The following GPC6 variants were observed in gnomAD, a reference collection of about 807,000 sequenced individuals.
GPC6 encodes the protein glypican 6.
A neutral mutation model predicts 55.2 loss-of-function variants in GPC6; 14 were observed. The ratio of observed to expected loss-of-function variants is 0.25; its 90% CI spans 0.17 to 0.40. The LOEUF (loss-of-function observed/expected upper bound fraction) is 0.40. GPC6 is among the 10% of genes least tolerant of loss of function. The probability of loss-of-function intolerance (pLI) is 1.00; values close to 1 mark genes in which losing one functional copy is unlikely to be tolerated. For missense variants in GPC6, 641 were observed against 708.5 expected (o/e 0.90, Z 1.08); for synonymous variants, 278 against 259.6 (o/e 1.07, Z -0.68).
At chr13:93,516,509 T>C (rs936565367) in intron 1 of GPC6, among the ~76,000 whole-genome samples, 4 of 152,116 alleles carry the variant, frequency 2.6e-5, no homozygotes, top group African/African-American at 4.8e-5. Context: ...TGAATACATT[T>C]TTCAAGAGAC....
intron 2 of GPC6, among the ~76,000 whole-genome samples, chr13:93,573,723 A>G (rs532350564): frequency 2.0e-4 from 30 of 152,270 alleles, no homozygotes; most frequent in African/African-American, 7.0e-4. Context: ...TCCTGCTGCC[A>G]AAGGTGGCTG....
At chr13:93,353,393 C>G (rs1444972094) in intron 1 of GPC6, among the ~76,000 whole-genome samples, 5 of 152,100 alleles carry the variant, frequency 3.3e-5, no homozygotes, top group African/African-American at 1.2e-4. Context: ...ACAATGAGTG[C>G]CAAGTGATGT....
chr13:93,930,026 G>C (rs925963892), intron 3 of GPC6, among the ~76,000 whole-genome samples: 2 of 151,730 alleles, frequency 1.3e-5, no homozygotes, highest in African/African-American at 2.4e-5. Context: ...TTTTGTTGAT[G>C]TTTTCAAACT....
chr13:93,580,359 A>G (rs529759498), intron 2 of GPC6, among the ~76,000 whole-genome samples: 3 of 152,328 alleles, frequency 2.0e-5, no homozygotes, highest in East Asian at 1.9e-4. Flanking sequence ...GGGGGAAACA[A>G]ACATTTAGTT....
intron 2 of GPC6, among the ~76,000 whole-genome samples, chr13:93,681,673 C>A (rs1320445470): frequency 6.6e-6 from 1 of 152,044 alleles, no homozygotes; most frequent in Non-Finnish European, 1.5e-5. Context: ...TTCAATATTT[C>A]TTCAGTTTTA....
intron 6 of GPC6, among the ~76,000 whole-genome samples, chr13:94,345,357 G>T (rs538350097): frequency 1.4e-3 from 212 of 152,170 alleles, no homozygotes; most frequent in African/African-American, 3.4e-3. Context: ...CTGATTTTGG[G>T]GGGGAAAAGA....
intron 1 of GPC6, among the ~76,000 whole-genome samples, chr13:93,312,387 A>G (rs1879102733): frequency 1.3e-5 from 2 of 152,122 alleles, no homozygotes; most frequent in Admixed American, 1.3e-4. Context: ...GCATATGTAC[A>G]CCTATTGCTT....
chr13:93,855,497 T>G (rs528195946), intron 3 of GPC6, among the ~76,000 whole-genome samples: 2 of 151,826 alleles, frequency 1.3e-5, no homozygotes, highest in Admixed American at 1.3e-4. Context: ...AATATCTGCA[T>G]GGAGGTTTTT....
chr13:94,316,970 A>G (rs1012252338), intron 6 of GPC6, among the ~76,000 whole-genome samples: 2 of 152,214 alleles, frequency 1.3e-5, no homozygotes, highest in African/African-American at 4.8e-5. Context: ...AAAATCACCA[A>G]GAATTCACAT....
intron 4 of GPC6, among the ~76,000 whole-genome samples, chr13:94,212,985 G>A (rs1372884380): frequency 6.6e-6 from 1 of 152,096 alleles, no homozygotes; most frequent in South Asian, 2.1e-4. Flanking sequence ...GTGAAACCCC[G>A]TCTCTACTAA....
chr13:93,238,132 T>C (rs1272313469), intron 1 of GPC6, among the ~76,000 whole-genome samples: 1 of 152,188 alleles, frequency 6.6e-6, no homozygotes, highest in Non-Finnish European at 1.5e-5. Flanking sequence ...AGAAATTGCA[T>C]TGAATCTGTA....
chr13:93,470,337 TTAAC>T (rs1367410042), intron 1 of GPC6, among the ~76,000 whole-genome samples: 1 of 152,192 alleles, frequency 6.6e-6, no homozygotes, highest in African/African-American at 2.4e-5. Context: ...TTAATGAACA[TTAAC>T]TTCTTCATAT....
In GPC6 at chr13:94,320,487, G is replaced by A. The variant is rs555291151; in HGVS notation, c.1152+14364G>A. Among the ~76,000 whole-genome samples, 4 of 152,122 alleles carry A rather than the reference G, an allele frequency of 2.6e-5. No homozygotes were observed. In the East Asian group the frequency reaches 7.7e-4, roughly 29 times the overall value. ...TTATATTCCTTGGAAATTAATCAAT[G>A]GAAAGTCTGGGTGGCCTGTGTTGAA... On this transcript the variant is annotated intron_variant, in intron 6 of 8. Coordinates refer to ENST00000377047, the MANE Select transcript of GPC6 (RefSeq NM_005708.5).
chr13:93,425,358 T>C (rs1869953970), intron 1 of GPC6, among the ~76,000 whole-genome samples: 1 of 152,170 alleles, frequency 6.6e-6, no homozygotes, highest in African/African-American at 2.4e-5. Flanking sequence ...AAATACTTCC[T>C]ATCAATTCTA....
At chr13:94,366,628 T>G (rs999635062) in intron 6 of GPC6, among the ~76,000 whole-genome samples, 4 of 152,246 alleles carry the variant, frequency 2.6e-5, no homozygotes, top group Non-Finnish European at 4.4e-5. Flanking sequence ...ACCGCATATC[T>G]AATGACCTAA....
chr13:93,580,948 T>G (rs1005065512), intron 2 of GPC6, among the ~76,000 whole-genome samples: 2 of 152,084 alleles, frequency 1.3e-5, no homozygotes, highest in African/African-American at 4.8e-5. Context: ...ATAAAAGTGT[T>G]TTTTTTAATT....
At chr13:94,218,197 C>G (rs1881537901) in intron 4 of GPC6, among the ~76,000 whole-genome samples, 1 of 152,128 alleles carries the variant, frequency 6.6e-6, no homozygotes, top group African/African-American at 2.4e-5. Flanking sequence ...ACCCTTCTGA[C>G]TATGAGAGCC....
intron 4 of GPC6, among the ~76,000 whole-genome samples, chr13:94,220,862 A>T (rs1890362225): frequency 6.6e-6 from 1 of 152,054 alleles, no homozygotes; most frequent in South Asian, 2.1e-4. Flanking sequence ...CTACCTAATT[A>T]TGTCCACATT....
At chr13:94,079,709 A>C (rs1885040922) in intron 4 of GPC6, among the ~76,000 whole-genome samples, 2 of 152,198 alleles carry the variant, frequency 1.3e-5, no homozygotes, top group African/African-American at 4.8e-5. Flanking sequence ...CACAGGCACT[A>C]CTTCCTCAGA....
Sources: allele counts gnomAD v4.1 joint callset (sites outside exome capture counted in the v4.1 genomes callset), GRCh38; gene constraint gnomAD v4.1.1; transcripts MANE v1.5; gene names NCBI Gene and HGNC (gene_info 2026-07-23, HGNC 2026-07-21).